SERPINA11: variants seen among roughly 807,000 people sequenced by gnomAD.
The protein encoded by SERPINA11 is serpin A11.
A neutral mutation model predicts 29.4 loss-of-function variants in SERPINA11; 28 were observed. That is an observed-to-expected ratio of 0.95 (90% CI 0.70 to 1.30). The LOEUF is 1.30. SERPINA11 is among the 50% of genes most tolerant of loss of function. The pLI is 0.00. For missense variants in SERPINA11, 530 were observed against 507.3 expected, an observed-to-expected ratio of 1.04 and a Z score of -0.43; for synonymous variants, 253 against 206.6, an observed-to-expected ratio of 1.22 and a Z score of -1.92.
At chr14:94,449,065 T>C (rs1190856960) in intron 1 of SERPINA11, among the ~76,000 whole-genome samples, 6 of 152,156 alleles carry the variant, frequency 3.9e-5, no homozygotes, top group African/African-American at 1.2e-4. Flanking sequence ...CAATGGCAAC[T>C]CCTGGCCAGG....
chr14:94,442,602 A>G lies in SERPINA11; in HGVS notation c.*4T>C, dbSNP rs752230444. On this transcript the variant is annotated 3_prime_UTR_variant, in exon 5 of 5. Transcript: ENST00000334708. ...ATAAGATAACTCCTGGCCTCCCACC[A>G]TGGTTACCCTGCAACTGGGTTGACA... The G allele has an allele frequency of 1.9e-5, 30 of 1,602,212 alleles. No individual in the cohort carries two copies. Among genetic ancestry groups the G allele is most frequent in the Middle Eastern group, 1.7e-4 (1 of 6,058 alleles).
In SERPINA11 at chr14:94,448,219, T is replaced by G; in HGVS notation, c.556A>C (p.Arg186=). The G allele has an allele frequency of 6.2e-7, 1 of 1,614,252 alleles. No individual in the cohort carries two copies. The highest frequency in any genetic ancestry group is 8.5e-7 in the Non-Finnish European group (1 of 1,180,050). ...TGRQINDYLR[R]QTYGQVVDCL... ...TCCACGACTTGCCCGTATGTTTGCC[T>G]TCTCAAATAGTCATTAATCTGCCTC... The change falls in exon 2 of 5, where the codon AGG becomes CGG. Residue 186 remains arginine, a synonymous_variant. Transcript: ENST00000334708.
Position 94,443,243 on chromosome 14 carries a change from CAG to C in SERPINA11, c.918-20_918-19del, listed in dbSNP as rs1898377382. The C allele has an allele frequency of 6.2e-7, 1 of 1,607,438 alleles. No homozygotes were observed. Among genetic ancestry groups the C allele is most frequent in the African/African-American group, 1.3e-5 (1 of 74,776 alleles). ...CCAACAGACTGGAGAGAGAAACAGA[CAG>C]AGAAATGGTGCTCTCTTGTTAATAT... On this transcript the variant is annotated intron_variant, in intron 3 of 4. Coordinates refer to ENST00000334708, the MANE Select transcript of SERPINA11 (RefSeq NM_001080451.2).
At chr14:94,444,037 C>A (rs1409228472) in intron 3 of SERPINA11, among the ~76,000 whole-genome samples, 1 of 152,158 alleles carries the variant, frequency 6.6e-6, no homozygotes, top group Non-Finnish European at 1.5e-5. Flanking sequence ...GTTAGAGAAT[C>A]GTGGCTGGTT....
Position 94,448,337 on chromosome 14 carries a change from T to A in SERPINA11, c.438A>T (p.Arg146=). The change falls in exon 2 of 5, where the codon CGA becomes CGT. Residue 146 remains arginine (R), a synonymous_variant. Coordinates refer to ENST00000334708, the MANE Select transcript of SERPINA11 (RefSeq NM_001080451.2). ...KVGNSLFLDK[R]LKPRQHYLDS... ...CCAAATAGTGCTGCCGAGGCTTTAG[T>A]CGCTTGTCTAGGAACAGGGAGTTTC... The A allele has an allele frequency of 6.2e-7, 1 of 1,614,258 alleles. No homozygotes were observed. The highest frequency in any genetic ancestry group is 8.5e-7 in the Non-Finnish European group (1 of 1,180,042).
At chr14:94,449,608 C>T (rs1235730832) in intron 1 of SERPINA11, among the ~76,000 whole-genome samples, 4 of 142,034 alleles carry the variant, frequency 2.8e-5, no homozygotes, top group African/African-American at 1.1e-4. Flanking sequence ...CCTTCCTTCC[C>T]TTTTCTTTCT....
chr14:94,447,096 C>T (rs774471926), intron 2 of SERPINA11, among the ~76,000 whole-genome samples: 33 of 152,268 alleles, frequency 2.2e-4, no homozygotes, highest in African/African-American at 5.8e-4. Context: ...TCTACAGAGA[C>T]GCTCAAGAGC....
chr14:94,448,986 TA>T (rs1367843533), intron 1 of SERPINA11, among the ~76,000 whole-genome samples: 1 of 152,150 alleles, frequency 6.6e-6, no homozygotes, highest in East Asian at 1.9e-4. Context: ...GCTTTACATA[TA>T]GTAGGTTTCT....
intron 3 of SERPINA11, among the ~76,000 whole-genome samples, chr14:94,446,087 T>C (rs1655414288): frequency 6.6e-6 from 1 of 152,178 alleles, no homozygotes; most frequent in Non-Finnish European, 1.5e-5. Flanking sequence ...GTCTAAGTTC[T>C]ACATTCTCTA....
At chr14:94,451,203 C>T (rs1291653707) in intron 1 of SERPINA11, among the ~76,000 whole-genome samples, 1 of 152,104 alleles carries the variant, frequency 6.6e-6, no homozygotes, top group Non-Finnish European at 1.5e-5. Flanking sequence ...GGTTTGTAGC[C>T]CCTGGTGCCC....
chr14:94,449,483 G>GTCTT (rs1478996769), intron 1 of SERPINA11, among the ~76,000 whole-genome samples: 2,899 of 59,722 alleles, frequency 0.049, 187 homozygotes, highest in South Asian at 0.097. Flanking sequence ...CTTTCTTTCT[G>GTCTT]TCTGTCTGTC....
In SERPINA11 at chr14:94,448,793, T is replaced by G. The variant is rs760786620; in HGVS notation, c.-3-16A>C. The G allele has an allele frequency of 1.3e-6, 2 of 1,503,082 alleles. No individual in the cohort carries two copies. The highest frequency in any genetic ancestry group is 1.8e-6 in the Non-Finnish European group (2 of 1,126,570). The allele number at this position is 1,503,082 out of a possible 1,614,324, so 93.1% of individuals were successfully genotyped here. Reference sequence around the variant, plus strand: ...GACCCATTCTCTGAAAACAAGAGGGTGAACATGTCACTTTTCTCCATAAAT... The same window carrying G: ...GACCCATTCTCTGAAAACAAGAGGGGGAACATGTCACTTTTCTCCATAAAT... On this transcript the variant is annotated splice_polypyrimidine_tract_variant and intron_variant, in intron 1 of 4. Coordinates refer to ENST00000334708, the MANE Select transcript of SERPINA11 (RefSeq NM_001080451.2).
At chr14:94,449,399 TCTTTCTA>T (rs1413984593) in intron 1 of SERPINA11, among the ~76,000 whole-genome samples, 5 of 25,776 alleles carry the variant, frequency 1.9e-4, no homozygotes, top group South Asian at 3.0e-3. Flanking sequence ...CCTCTTTCTT[TCTTTCTA>T]TTCTTTCTTT....
chr14:94,452,522 T>C (rs1898605512), intron 1 of SERPINA11, among the ~76,000 whole-genome samples: 1 of 151,516 alleles, frequency 6.6e-6, no homozygotes, highest in Non-Finnish European at 1.5e-5. Flanking sequence ...GTCTCTCCTT[T>C]AAGACTCAGA....
At chr14:94,451,391 A>G (rs1898583670) in intron 1 of SERPINA11, among the ~76,000 whole-genome samples, 1 of 152,206 alleles carries the variant, frequency 6.6e-6, no homozygotes, top group Non-Finnish European at 1.5e-5. Context: ...TGAACTCCCA[A>G]TGTGGGTTCA....
chr14:94,448,080 G>C, intron 2 of SERPINA11, 52 bp downstream of exon 2: 1 of 1,547,948 alleles, frequency 6.5e-7, no homozygotes, highest in Non-Finnish European at 8.8e-7. Context: ...TCTGCTGTAA[G>C]AGCATTTACT....
intron 1 of SERPINA11, 76 bp from the exon 2 acceptor site, chr14:94,448,853 C>T (rs1350879516): frequency 2.9e-6 from 4 of 1,359,976 alleles, no homozygotes; most frequent in Non-Finnish European, 3.9e-6. Context: ...TACCACAAAT[C>T]CCACCTTCAC....
intron 1 of SERPINA11, among the ~76,000 whole-genome samples, chr14:94,452,132 A>G (rs1192495717): frequency 6.6e-6 from 1 of 152,290 alleles, no homozygotes; most frequent in East Asian, 1.9e-4. Context: ...TGAAGCACCC[A>G]GAATAGTCAC....
intron 3 of SERPINA11, 67 bp downstream of exon 3, chr14:94,446,264 G>T: frequency 2.1e-6 from 3 of 1,399,948 alleles, no homozygotes; most frequent in Non-Finnish European, 3.0e-6. Context: ...TTTGCAGCTG[G>T]AGTTGATCAA....
Sources: allele counts gnomAD v4.1 joint callset (sites outside exome capture counted in the v4.1 genomes callset), GRCh38; gene constraint gnomAD v4.1.1; transcripts MANE v1.5; gene names NCBI Gene and HGNC (gene_info 2026-07-23, HGNC 2026-07-21).